Variants in ABCC10 observed in about 807,000 individuals in gnomAD.
ABCC10 encodes the protein ATP-binding cassette sub-family C member 10.
A neutral mutation model predicts 143.2 loss-of-function variants in ABCC10; 110 were observed. The ratio of observed to expected loss-of-function variants is 0.77; its 90% CI spans 0.66 to 0.90. The LOEUF (loss-of-function observed/expected upper bound fraction) is 0.90, where lower values mean the gene tolerates loss of function less well. Ranked by LOEUF, ABCC10 falls within the 40% of genes least tolerant of loss-of-function variation. The pLI is 0.00. For synonymous variants in ABCC10, 805 were observed against 846.7 expected (o/e 0.95, Z 0.85); for missense variants, 1,700 against 1,900.5 (o/e 0.89, Z 1.96).
At position 43,444,350 on chromosome 6, in the gene ABCC10, C is replaced by G. The variant is rs1782796413; in HGVS notation, c.2686C>G (p.Gln896Glu). ...LAILFSLLLMQATRNAADWWL... is the reference protein window; with the variant it reads ...LAILFSLLLMEATRNAADWWL... Reference sequence around the variant, plus strand: ...CATCCTCTTCTCTCTGCTTCTCATGCAAGGTGAGAGCGTGCCTGGGAGTCT... The same window carrying G: ...CATCCTCTTCTCTCTGCTTCTCATGGAAGGTGAGAGCGTGCCTGGGAGTCT... Residue 896 changes from glutamine (Q) to glutamate (E), a missense_variant, in exon 12 of 22, where the codon CAA becomes GAA. Transcript: ENST00000372530. 6.2e-7 allele frequency: 1 copy of G among 1,604,424 alleles called. No homozygotes were observed. Among genetic ancestry groups the G allele is most frequent in the Non-Finnish European group, 8.5e-7 (1 of 1,175,712 alleles).
In ABCC10 at chr6:43,443,180, G is replaced by A. The variant is rs773544158; in HGVS notation, c.2416+21G>A. Reference sequence around the variant, plus strand: ...GGCTGGTAATGGGGGCAGGAGCCCCGTGTGAGGGAGGTGTCTGCCCAGGTC... The same window carrying A: ...GGCTGGTAATGGGGGCAGGAGCCCCATGTGAGGGAGGTGTCTGCCCAGGTC... On this transcript the variant is annotated intron_variant, in intron 10 of 21. Coordinates refer to ENST00000372530, the MANE Select transcript of ABCC10 (RefSeq NM_001198934.2). This position sits in a 1 kb window ranked among gnomAD's most constrained non-coding sequence, Gnocchi z 4.2. The A allele has an allele frequency of 9.6e-6, 15 of 1,564,496 alleles. No homozygotes were observed. The highest frequency in any genetic ancestry group is 4.7e-5 in the South Asian group (4 of 85,042).
chr6:43,431,976 C>T (rs528538232), intron 2 of ABCC10, 166 bp from the exon 3 acceptor site: 358 of 1,431,452 alleles, frequency 2.5e-4, no homozygotes, highest in South Asian at 1.1e-3. Context: ...GGGAAGACTT[C>T]CTGGGAGAAA....
At chr6:43,451,108 G>A (rs370997475), downstream of ABCC10, 4 of 1,614,216 alleles carry the variant, frequency 2.5e-6, no homozygotes, top group Non-Finnish European at 3.4e-6. This position sits in a 1 kb window ranked among gnomAD's most constrained non-coding sequence, Gnocchi z 4.4. Context: ...CAGGAGAAGC[G>A]GTTTATGCCG....
intron 1 of ABCC10, 65 bp from the exon 2 acceptor site, chr6:43,427,903 G>A (rs752458700): frequency 3.0e-5 from 47 of 1,577,322 alleles, no homozygotes; most frequent in Non-Finnish European, 4.0e-5. Context: ...GGGAGACCCG[G>A]CTGGGAAGTG....
chr6:43,433,479 C>G (rs1781355475), intron 3 of ABCC10, 119 bp downstream of exon 3: 3 of 1,427,960 alleles, frequency 2.1e-6, no homozygotes, highest in African/African-American at 2.9e-5. Context: ...AGAGCTGAGA[C>G]TGGAGAAAGG....
At chr6:43,435,936 G>A in intron 5 of ABCC10, 29 bp downstream of exon 5, 1 of 1,613,298 alleles carries the variant, frequency 6.2e-7, no homozygotes. Context: ...GCAGAACCTG[G>A]CACAGGGTGA....
chr6:43,437,810 TAAAG>T (rs1342655764), intron 6 of ABCC10, 120 bp from the exon 7 acceptor site: 7 of 913,082 alleles, frequency 7.7e-6, no homozygotes, highest in South Asian at 1.5e-5. Flanking sequence ...CCCTACACAC[TAAAG>T]AAAGAAGAAA....
intron 14 of ABCC10, 90 bp from the exon 15 acceptor site, chr6:43,445,509 C>T: frequency 7.0e-7 from 1 of 1,428,982 alleles, no homozygotes; most frequent in Non-Finnish European, 9.7e-7. Context: ...CTATCTTGGG[C>T]CTTCCCCTCC....
chr6:43,449,586 G>A lies in ABCC10; in HGVS notation c.4316+52G>A, dbSNP rs187661350. The A allele has an allele frequency of 1.1e-4, 167 of 1,482,460 alleles. No homozygotes were observed. In the East Asian group the frequency reaches 2.7e-3, roughly 24 times the overall value. 91.8% of individuals were successfully genotyped at this position (1,482,460 alleles called of 1,614,324 possible). Reference sequence around the variant, plus strand: ...ATCAGGGACTGTGGTAGCATGCACCGAGAGCCTCCGTTGCTTTCAGGGACC... The same window carrying A: ...ATCAGGGACTGTGGTAGCATGCACCAAGAGCCTCCGTTGCTTTCAGGGACC... On this transcript the variant is annotated intron_variant, in intron 21 of 21. Coordinates refer to ENST00000372530, the MANE Select transcript of ABCC10 (RefSeq NM_001198934.2).
chr6:43,436,236 G>C lies in ABCC10; in HGVS notation c.1864G>C (p.Glu622Gln), dbSNP rs762168388. ...TSLETFISHL[E>Q]VKKGMLVGIV... is the part of the protein sequence containing the mutation. ...CCTGGAGACCTTCATCAGTCATCTC[G>C]AAGTGAAAAAGGTTTGTTGGACAGA... Residue 622 changes from glutamate to glutamine, a missense_variant, in exon 6 of 22, where the codon GAA becomes CAA. Coordinates refer to ENST00000372530, the MANE Select transcript of ABCC10 (RefSeq NM_001198934.2). 2 of 1,613,804 alleles carry C rather than the reference G, an allele frequency of 1.2e-6. No homozygotes were observed. The highest frequency in any genetic ancestry group is 1.7e-5 in the Admixed American group (1 of 59,982).
intron 2 of ABCC10, 120 bp downstream of exon 2, chr6:43,428,259 T>C: frequency 8.3e-7 from 1 of 1,199,358 alleles, no homozygotes; most frequent in Non-Finnish European, 1.1e-6. Flanking sequence ...AGAAGTAGAA[T>C]AAAATCTAAG....
In ABCC10 at chr6:43,432,733, C is replaced by T; in HGVS notation, c.753C>T (p.Pro251=). 6.2e-7 allele frequency: 1 copy of T among 1,614,178 alleles called. No homozygotes were observed. The highest frequency in any genetic ancestry group is 1.3e-5 in the African/African-American group (1 of 75,056). Residue 251 remains proline (P), a synonymous_variant, in exon 3 of 22, where the codon CCC becomes CCT. Transcript: ENST00000372530. ...LRQPQDICRL[P]HRLQPTYLAR... ...AGCCTCAGGACATTTGCCGCCTCCC[C>T]CACAGACTGCAGCCAACCTACCTGG...
chr6:43,440,830 C>G (rs955365509), intron 8 of ABCC10, among the ~76,000 whole-genome samples: 1 of 145,458 alleles, frequency 6.9e-6, no homozygotes, highest in African/African-American at 2.5e-5. Flanking sequence ...CGCCATTGTA[C>G]TCCAGCCTGT....
chr6:43,434,988 A>G (rs1224787192), intron 4 of ABCC10, 140 bp downstream of exon 4: 2 of 878,560 alleles, frequency 2.3e-6, no homozygotes, highest in Non-Finnish European at 3.4e-6. Flanking sequence ...AAACTGAAGA[A>G]ACCTTTTTGT....
At chr6:43,434,958 C>A (rs1158528174) in intron 4 of ABCC10, 110 bp downstream of exon 4, 9 of 1,166,312 alleles carry the variant, frequency 7.7e-6, no homozygotes, top group Non-Finnish European at 1.1e-5. Context: ...CCCTGACTGC[C>A]TCATCTCTCA....
rs765300040 is a variant in ABCC10 at position 43,449,598 on chromosome 6, T to G, written c.4316+64T>G. 3.3e-5 allele frequency: 46 copies of G among 1,380,780 alleles called. 1 individual carries two copies. In the Middle Eastern group the frequency reaches 9.5e-4, roughly 28 times the overall value. 85.5% of individuals were successfully genotyped at this position (1,380,780 alleles called of 1,614,324 possible). ...GGTAGCATGCACCGAGAGCCTCCGT[T>G]GCTTTCAGGGACCCCAGTGGTCAGG... On this transcript the variant is annotated intron_variant, in intron 21 of 21. Transcript: ENST00000372530.
At position 43,449,027 on chromosome 6, in the gene ABCC10, G is replaced by A. The variant is rs542903969; in HGVS notation, c.4105+1G>A. The stretch of plus-strand genomic sequence containing the variant: ...CTGAGTGAGGTGATTACATCCATGG[G>A]TGAGTGCTGGACCCTGACCTTAGAG... On this transcript the variant is annotated splice_donor_variant, in intron 19 of 21. Coordinates refer to ENST00000372530, the MANE Select transcript of ABCC10 (RefSeq NM_001198934.2). LOFTEE classifies it high-confidence loss of function. 37 of 1,613,990 alleles carry A rather than the reference G, an allele frequency of 2.3e-5. No individual in the cohort carries two copies. Among genetic ancestry groups the A allele is most frequent in the Middle Eastern group, 3.3e-4 (2 of 6,056 alleles).
chr6:43,444,637 AG>A, intron 12 of ABCC10, 150 bp from the exon 13 acceptor site: 1 of 1,155,876 alleles, frequency 8.7e-7, no homozygotes, highest in Non-Finnish European at 1.2e-6. Flanking sequence ...CACACTAGGG[AG>A]GATATGGGGT....
At chr6:43,447,539 C>A in intron 17 of ABCC10, 131 bp downstream of exon 17, 4 of 1,551,872 alleles carry the variant, frequency 2.6e-6, no homozygotes, top group Non-Finnish European at 3.5e-6. Context: ...GACCACAATT[C>A]TTCACCATGT....
Sources: gnomAD v4.1 joint callset for allele counts (sites outside exome capture counted in the v4.1 genomes callset) on GRCh38, gnomAD v4.1.1 for gene constraint, Gnocchi (gnomAD v3.1) non-coding constraint, MANE v1.5 for transcripts, NCBI Gene and HGNC (gene_info 2026-07-23, HGNC 2026-07-21) for gene names.